Variants in SIK3 observed in about 807,000 individuals in gnomAD.
The protein encoded by SIK3 is SIK family kinase 3, also known as serine/threonine-protein kinase SIK3.
A neutral mutation model predicts 144.2 loss-of-function variants in SIK3; 28 were observed. The observed-to-expected ratio is 0.19, with a 90% CI of 0.14 to 0.27. The LOEUF is 0.27. Among genes scored for constraint, SIK3 ranks in the 10% least tolerant of loss-of-function variants. The probability of loss-of-function intolerance (pLI) is 1.00; values close to 1 mark genes in which losing one functional copy is unlikely to be tolerated. For synonymous variants in SIK3, 686 were observed against 676.3 expected (o/e 1.01, Z -0.22); for missense variants, 1,319 against 1,776.0 (o/e 0.74, Z 4.62).
intron 1 of SIK3, among the ~76,000 whole-genome samples, chr11:117,034,485 T>A (rs1434543969): frequency 6.6e-6 from 1 of 152,200 alleles, no homozygotes; most frequent in Admixed American, 6.5e-5. Flanking sequence ...AGAAATTAAG[T>A]ATTTAGATCA....
intron 1 of SIK3, among the ~76,000 whole-genome samples, chr11:117,055,520 AG>A (rs1953477097): frequency 6.6e-6 from 1 of 152,244 alleles, no homozygotes; most frequent in African/African-American, 2.4e-5. Flanking sequence ...GGTTTGGATG[AG>A]GGAACAGAAG....
intron 1 of SIK3, among the ~76,000 whole-genome samples, chr11:117,067,985 AAAAT>A (rs1474129913): frequency 1.3e-5 from 2 of 152,130 alleles, no homozygotes; most frequent in African/African-American, 2.4e-5. Flanking sequence ...CCCTGTCTCA[AAAAT>A]AAATAAATAA....
chr11:116,879,812 C>T (rs545602181), intron 6 of SIK3, among the ~76,000 whole-genome samples: 12 of 152,296 alleles, frequency 7.9e-5, no homozygotes, highest in South Asian at 6.2e-4. Flanking sequence ...TACAACAGTA[C>T]GCTTTATTAA....
chr11:116,969,359 T>A (rs1949688209), intron 1 of SIK3, among the ~76,000 whole-genome samples: 1 of 148,302 alleles, frequency 6.7e-6, no homozygotes, highest in Non-Finnish European at 1.5e-5. Flanking sequence ...AGACCGTAAG[T>A]AACACATCCC....
intron 3 of SIK3, among the ~76,000 whole-genome samples, chr11:116,951,030 T>A (rs1053246269): frequency 1.3e-4 from 20 of 152,212 alleles, no homozygotes; most frequent in African/African-American, 4.8e-4. Context: ...CTCTCTCACA[T>A]GAAGGCGTAA....
At position 116,867,755 on chromosome 11, in the gene SIK3, G is replaced by A; in HGVS notation, c.1952+191C>T. ...TAATGGGAGAGAGGAATCTCGCATT[G>A]CTCCAGGGCGCAGTAAAAAACCTTT... On this transcript the variant is annotated intron_variant, in intron 15 of 24. Coordinates refer to ENST00000445177, the MANE Select transcript of SIK3 (RefSeq NM_001366686.3). This position sits in a 1 kb window ranked among gnomAD's most constrained non-coding sequence, Gnocchi z 4.1. 2.1e-6 allele frequency: 1 copy of A among 474,202 alleles called. No individual in the cohort carries two copies. Among genetic ancestry groups the A allele is most frequent in the Non-Finnish European group, 3.7e-6 (1 of 273,402 alleles). The allele number at this position is 474,202 out of a possible 1,614,324, so 29.4% of individuals were successfully genotyped here.
chr11:116,926,482 G>C (rs1361232085), intron 4 of SIK3, among the ~76,000 whole-genome samples: 1 of 152,124 alleles, frequency 6.6e-6, no homozygotes, highest in Non-Finnish European at 1.5e-5. Flanking sequence ...GCCACTCTAA[G>C]ATCTATTTTT....
intron 1 of SIK3, among the ~76,000 whole-genome samples, chr11:117,029,515 G>C (rs1321434828): frequency 6.6e-6 from 1 of 152,058 alleles, no homozygotes; most frequent in Admixed American, 6.5e-5. Flanking sequence ...TGAAACTGAG[G>C]GATGGAACTA....
At chr11:116,955,097 C>A (rs1949089165) in intron 2 of SIK3, among the ~76,000 whole-genome samples, 2 of 151,536 alleles carry the variant, frequency 1.3e-5, no homozygotes, top group African/African-American at 2.4e-5. Context: ...AAACTAAATA[C>A]AATTAAAAAT....
In SIK3 at chr11:117,013,033, A is replaced by T. The variant is rs945994855; in HGVS notation, c.274-55969T>A. On this transcript the variant is annotated intron_variant, in intron 1 of 24. Coordinates refer to ENST00000445177, the MANE Select transcript of SIK3 (RefSeq NM_001366686.3). ...GCCATTACTTTTAATGGCAAAAACC[A>T]CAATTACTTTTACACTAACCTACAG... Among the ~76,000 whole-genome samples the T allele has an allele frequency of 2.6e-5, 4 of 151,778 alleles. No individual in the cohort carries two copies. In the East Asian group the frequency reaches 7.7e-4, roughly 29 times the overall value.
intron 1 of SIK3, among the ~76,000 whole-genome samples, chr11:117,023,609 C>CAAAAAAAAAA (rs71469123): frequency 3.8e-5 from 2 of 51,986 alleles, no homozygotes; most frequent in African/African-American, 8.3e-5. Context: ...AACAAACAAA[C>CAAAAAAAAAA]AAAAAAAAAA....
chr11:117,046,963 T>C (rs1952994118), intron 1 of SIK3, among the ~76,000 whole-genome samples: 1 of 152,188 alleles, frequency 6.6e-6, no homozygotes, highest in Non-Finnish European at 1.5e-5. Context: ...ATATCCCCCA[T>C]CCTATATTTT....
chr11:116,949,991 TGA>T (rs1192610103), intron 3 of SIK3: 1 of 406,028 alleles, frequency 2.5e-6, no homozygotes, highest in African/African-American at 2.1e-5. Context: ...CTCTAGGAAC[TGA>T]GAGTTTGGTG....
rs185227339 is a variant in SIK3 at position 117,021,007 on chromosome 11, C to T, written c.274-63943G>A. Reference sequence around the variant, plus strand: ...TGAGCCCTCAATCTGTGAGATCTGACGCTATCTCCAGGTAGACAGTGTCAG... The same window carrying T: ...TGAGCCCTCAATCTGTGAGATCTGATGCTATCTCCAGGTAGACAGTGTCAG... On this transcript the variant is annotated intron_variant, in intron 1 of 24. Transcript: ENST00000445177. Among the ~76,000 whole-genome samples the T allele has an allele frequency of 2.1e-3, 323 of 152,280 alleles. 3 individuals carry two copies. The highest frequency in any genetic ancestry group is 7.1e-3 in the African/African-American group (296 of 41,562).
intron 1 of SIK3, among the ~76,000 whole-genome samples, chr11:116,969,748 C>T (rs563041263): frequency 6.6e-5 from 10 of 152,220 alleles, no homozygotes; most frequent in African/African-American, 2.4e-4. Flanking sequence ...CACATAAACC[C>T]TAACACATAA....
At chr11:116,955,423 T>A (rs1444681289) in intron 2 of SIK3, among the ~76,000 whole-genome samples, 1 of 151,752 alleles carries the variant, frequency 6.6e-6, no homozygotes, top group East Asian at 1.9e-4. Flanking sequence ...AATAAATAAA[T>A]AAAATTTAAA....
At chr11:116,861,027 C>G (rs1167724316) in intron 19 of SIK3, among the ~76,000 whole-genome samples, 1 of 152,196 alleles carries the variant, frequency 6.6e-6, no homozygotes, top group Non-Finnish European at 1.5e-5. Flanking sequence ...ATTACCCAGT[C>G]TCAGTCAGTT....
At chr11:117,087,279 C>A (rs1955058268) in intron 1 of SIK3, among the ~76,000 whole-genome samples, 1 of 151,922 alleles carries the variant, frequency 6.6e-6, no homozygotes, top group Non-Finnish European at 1.5e-5. Context: ...CCCATCTCTA[C>A]TAAAAATACA....
intron 1 of SIK3, among the ~76,000 whole-genome samples, chr11:117,062,627 A>AT (rs1953846429): frequency 6.6e-6 from 1 of 152,080 alleles, no homozygotes; most frequent in Non-Finnish European, 1.5e-5. Context: ...ATTCTGAATC[A>AT]TTTCTCAATC....
Sources: allele counts gnomAD v4.1 joint callset (sites outside exome capture counted in the v4.1 genomes callset), GRCh38; gene constraint gnomAD v4.1.1; non-coding constraint Gnocchi (gnomAD v3.1); transcripts MANE v1.5; gene names NCBI Gene and HGNC (gene_info 2026-07-23, HGNC 2026-07-21).